The following DLGAP1 variants were observed in gnomAD, a reference collection of about 807,000 sequenced individuals.
DLGAP1 encodes disks large-associated protein 1.
A neutral mutation model predicts 90.8 loss-of-function variants in DLGAP1; 11 were observed. The ratio of observed to expected loss-of-function variants is 0.12; its 90% CI spans 0.08 to 0.20. The LOEUF (loss-of-function observed/expected upper bound fraction) is 0.20, where lower values mean the gene tolerates loss of function less well. Among genes scored for constraint, DLGAP1 ranks in the 10% least tolerant of loss-of-function variants. The pLI is 1.00. For missense variants in DLGAP1, 1,050 were observed against 1,333.8 expected, an observed-to-expected ratio of 0.79 and a Z score of 3.31; for synonymous variants, 558 against 540.7, an observed-to-expected ratio of 1.03 and a Z score of -0.44.
chr18:4,220,251 T>C (rs2078046947), intron 1 of DLGAP1, among the ~76,000 whole-genome samples: 1 of 149,296 alleles, frequency 6.7e-6, no homozygotes, highest in Non-Finnish European at 1.5e-5. Flanking sequence ...TTTCTTTACA[T>C]CTGTGAACAA....
At chr18:4,272,717 T>C (rs2079312340) in intron 1 of DLGAP1, among the ~76,000 whole-genome samples, 1 of 152,248 alleles carries the variant, frequency 6.6e-6, no homozygotes, top group Admixed American at 6.5e-5. Context: ...AAGCGTTTTA[T>C]AGTGGCCTAC....
intron 2 of DLGAP1, among the ~76,000 whole-genome samples, chr18:4,150,306 CT>C (rs1353929446): frequency 1.3e-5 from 2 of 152,198 alleles, no homozygotes; most frequent in South Asian, 4.1e-4. Flanking sequence ...TAAGACCCTT[CT>C]TTTTTTCTCC....
intron 1 of DLGAP1, among the ~76,000 whole-genome samples, chr18:4,185,788 T>C (rs564125559): frequency 4.9e-4 from 74 of 152,290 alleles, no homozygotes; most frequent in African/African-American, 1.7e-3. Flanking sequence ...TTGTATTCCA[T>C]TGGGTATACA....
intron 3 of DLGAP1, among the ~76,000 whole-genome samples, chr18:3,944,035 A>T (rs74383589): frequency 6.6e-6 from 1 of 152,214 alleles, no homozygotes. Context: ...GCCACTCAGT[A>T]TGTGGTACTT....
rs142485914 is a variant in DLGAP1 at position 4,024,555 on chromosome 18, G to A, written c.-158-19354C>T. ...TATGCTCGGAGTGACATGTCTGTTC[G>A]TGCTCACAAGCTGGCATTAAAGCAA... On this transcript the variant is annotated intron_variant, in intron 2 of 12. Coordinates refer to ENST00000315677, the MANE Select transcript of DLGAP1 (RefSeq NM_004746.4). 5.3e-4 allele frequency among the ~76,000 whole-genome samples: 80 copies of A among 152,276 alleles called. 1 individual carries two copies. Among genetic ancestry groups the A allele is most frequent in the African/African-American group, 1.7e-3 (69 of 41,552 alleles).
chr18:4,076,757 G>A (rs2075529667), intron 2 of DLGAP1, among the ~76,000 whole-genome samples: 1 of 151,938 alleles, frequency 6.6e-6, no homozygotes. Context: ...CCGAGTAGCT[G>A]GGATTACAGG....
chr18:3,856,343 T>C (rs1364509056), intron 4 of DLGAP1, among the ~76,000 whole-genome samples: 1 of 152,108 alleles, frequency 6.6e-6, no homozygotes, highest in Non-Finnish European at 1.5e-5. Flanking sequence ...GTGTGAGACA[T>C]TATTAGAAAA....
chr18:3,974,989 G>C (rs1287554680), intron 3 of DLGAP1, among the ~76,000 whole-genome samples: 1 of 152,116 alleles, frequency 6.6e-6, no homozygotes, highest in African/African-American at 2.4e-5. Context: ...CAAATTCGTA[G>C]ACACAGAAAG....
chr18:4,089,907 C>A (rs577697576), intron 2 of DLGAP1, among the ~76,000 whole-genome samples: 1 of 151,976 alleles, frequency 6.6e-6, no homozygotes, highest in African/African-American at 2.4e-5. Context: ...TAGCCAGGTG[C>A]GGTGGCGGGC....
intron 5 of DLGAP1, among the ~76,000 whole-genome samples, chr18:3,764,726 T>G (rs2064137733): frequency 6.6e-6 from 1 of 152,250 alleles, no homozygotes; most frequent in African/African-American, 2.4e-5. Flanking sequence ...ATTTACTCTT[T>G]TCCTGGTACA....
chr18:3,982,353 T>C (rs560721868), intron 3 of DLGAP1, among the ~76,000 whole-genome samples: 1 of 149,262 alleles, frequency 6.7e-6, no homozygotes, highest in South Asian at 2.1e-4. Context: ...GACGTGTGCC[T>C]TCTTCAGATC....
rs1331233108 is a variant in DLGAP1 at position 4,094,601 on chromosome 18, C to CTCTT, written c.-159+56575_-159+56578dup. ...TTTATCTTCCTTCCTTCCTTCCTTT[C>CTCTT]TCTTTCTTTTTTTTTTTTTTTTGTC... On this transcript the variant is annotated intron_variant, in intron 2 of 12. Coordinates refer to ENST00000315677, the MANE Select transcript of DLGAP1 (RefSeq NM_004746.4). Among the ~76,000 whole-genome samples the CTCTT allele has an allele frequency of 2.2e-3, 302 of 138,972 alleles. 6 individuals are homozygous for CTCTT. In the South Asian group the frequency reaches 0.038, roughly 18 times the overall value. The allele number at this position is 138,972 out of a possible 152,430, so 91.2% of individuals were successfully genotyped here. A position where few individuals can be genotyped will look rare whatever the true frequency, so the allele number is the denominator to read the frequency against.
At chr18:4,043,809 C>A (rs907680570) in intron 2 of DLGAP1, among the ~76,000 whole-genome samples, 4 of 152,158 alleles carry the variant, frequency 2.6e-5, no homozygotes, top group African/African-American at 9.7e-5. Flanking sequence ...ACCAGCAAAT[C>A]TCAGCAGAAA....
chr18:3,521,184 A>G (rs2051163105), intron 10 of DLGAP1, among the ~76,000 whole-genome samples: 1 of 152,162 alleles, frequency 6.6e-6, no homozygotes, highest in South Asian at 2.1e-4. Context: ...TGTTCCCCTC[A>G]GGATTCCCTT....
intron 1 of DLGAP1, among the ~76,000 whole-genome samples, chr18:4,421,472 G>C (rs2083028079): frequency 6.6e-6 from 1 of 152,002 alleles, no homozygotes; most frequent in African/African-American, 2.4e-5. Context: ...AGTTGCTATT[G>C]ACAAGTTCCA....
intron 5 of DLGAP1, among the ~76,000 whole-genome samples, chr18:3,773,677 G>C (rs150569492): frequency 1.6e-3 from 242 of 152,248 alleles, no homozygotes; most frequent in African/African-American, 5.8e-3. Context: ...AAAACATCTA[G>C]CTAAATTCAT....
chr18:3,899,728 G>A (rs934253162), intron 3 of DLGAP1, among the ~76,000 whole-genome samples: 1 of 152,196 alleles, frequency 6.6e-6, no homozygotes, highest in South Asian at 2.1e-4. Flanking sequence ...GCCAGTGTGA[G>A]CTTAGAAATG....
In DLGAP1 at chr18:3,646,740, C is replaced by T. The variant is rs557264403; in HGVS notation, c.1592-64492G>A. ...GAGATTGAGACCATCCTGGCTAACA[C>T]GGTGAAACCTCGTCTCTACTAAAAA... On this transcript the variant is annotated intron_variant, in intron 7 of 12. Transcript: ENST00000315677. Among the ~76,000 whole-genome samples the T allele has an allele frequency of 2.8e-3, 430 of 152,034 alleles. 2 individuals are homozygous for T. The highest frequency in any genetic ancestry group is 8.7e-3 in the African/African-American group (361 of 41,486).
rs761185487 is a variant in DLGAP1 at position 3,814,176 on chromosome 18, C to G, written c.1055G>C (p.Gly352Ala). 1 of 1,614,076 alleles carries G rather than the reference C, an allele frequency of 6.2e-7. No homozygotes were observed. The highest frequency in any genetic ancestry group is 1.1e-5 in the South Asian group (1 of 91,062). Residue 352 changes from glycine (G) to alanine (A), a missense_variant, in exon 5 of 13, where the codon GGG becomes GCG. Around this residue, in one of 2 missense-constraint regions of DLGAP1, gnomAD observed 565 missense variants for 879.7 expected, o/e 0.64. Transcript: ENST00000315677. ...GTCTGAGTCTCCACTGTCTTCATCCCCCATGGCCTTGATATAACTGCCACT... is the reference window on the plus strand; with the variant it reads ...GTCTGAGTCTCCACTGTCTTCATCCGCCATGGCCTTGATATAACTGCCACT... ...MRSGSYIKAM[G>A]DEDSGDSDTS... is the part of the protein sequence containing the mutation.
Sources: allele counts gnomAD v4.1 joint callset (sites outside exome capture counted in the v4.1 genomes callset), GRCh38; gene constraint gnomAD v4.1.1; regional missense constraint gnomAD v4.1.1; transcripts MANE v1.5; gene names NCBI Gene and HGNC (gene_info 2026-07-23, HGNC 2026-07-21).